Variants in CERS2 observed in about 807,000 individuals in gnomAD.
CERS2 encodes ceramide synthase 2.
CERS2 carries 20 observed loss-of-function variants against 56.6 expected under a neutral mutation model. That is an observed-to-expected ratio of 0.35 (90% CI 0.25 to 0.51). CERS2 has a LOEUF of 0.51. CERS2 is among the 20% of genes least tolerant of loss of function. The pLI, the probability that CERS2 is intolerant of heterozygous loss-of-function variation, is 0.96. For synonymous variants in CERS2, 187 were observed against 175.4 expected, an observed-to-expected ratio of 1.07 and a Z score of -0.52; for missense variants, 361 against 488.6, an observed-to-expected ratio of 0.74 and a Z score of 2.46.
intron 1 of CERS2, among the ~76,000 whole-genome samples, chr1:150,972,897 T>C (rs1202996966): frequency 6.6e-6 from 1 of 152,124 alleles, no homozygotes; most frequent in Non-Finnish European, 1.5e-5. Flanking sequence ...TGGGAGTTTG[T>C]AGATCCAAAC....
chr1:150,969,228 A>G, intron 1 of CERS2, 137 bp from the exon 2 acceptor site: 1 of 697,196 alleles, frequency 1.4e-6, no homozygotes, highest in South Asian at 1.9e-5. Flanking sequence ...CTGGCTATGT[A>G]GCCTTGGGCA....
intron 1 of CERS2, among the ~76,000 whole-genome samples, chr1:150,971,467 G>T (rs946958702): frequency 6.6e-6 from 1 of 151,476 alleles, no homozygotes; most frequent in East Asian, 2.0e-4. Flanking sequence ...CTGCTCTCTC[G>T]GATGAAATCA....
chr1:150,968,281 C>CA (rs1671081040), intron 3 of CERS2, 80 bp from the exon 4 acceptor site: 1 of 1,482,312 alleles, frequency 6.7e-7, no homozygotes, highest in Non-Finnish European at 9.4e-7. Flanking sequence ...GTAACAACCT[C>CA]AGTCAGCACC....
At position 150,966,544 on chromosome 1, in the gene CERS2, G is replaced by A; in HGVS notation, c.934C>T (p.Leu312=). 1 of 1,614,102 alleles carries A rather than the reference G, an allele frequency of 6.2e-7. No homozygotes were observed. Among genetic ancestry groups the A allele is most frequent in the Non-Finnish European group, 8.5e-7 (1 of 1,180,010 alleles). Residue 312 remains leucine, a synonymous_variant, in exon 10 of 11, where the codon CTA becomes TTA. Coordinates refer to ENST00000368954, the MANE Select transcript of CERS2 (RefSeq NM_022075.5). The part of the protein sequence containing the change: ...YYFFNSMMGV[L]QLLHIFWAYL... ...GCCCAGAAGATATGCAGCAGCTGTA[G>A]AACTCCCATCATGGAATTGAAGAAG...
intron 1 of CERS2, among the ~76,000 whole-genome samples, chr1:150,971,135 C>T (rs968888633): frequency 2.0e-5 from 3 of 152,228 alleles, no homozygotes; most frequent in Non-Finnish European, 4.4e-5. Context: ...ATGACCATGA[C>T]AGTCTTTTCC....
At chr1:150,970,780 A>G (rs1021715068) in intron 1 of CERS2, among the ~76,000 whole-genome samples, 1 of 152,156 alleles carries the variant, frequency 6.6e-6, no homozygotes, top group Non-Finnish European at 1.5e-5. Flanking sequence ...GGCCTCCCAA[A>G]GTGCTGGGAT....
At chr1:150,966,686 T>C (rs1428010296) in intron 9 of CERS2, 57 bp from the exon 10 acceptor site, 1 of 1,605,166 alleles carries the variant, frequency 6.2e-7, no homozygotes, top group Non-Finnish European at 8.5e-7. Flanking sequence ...ACCGGGGAGA[T>C]ACAGGAGGGG....
In CERS2 at chr1:150,966,140, GTAAT is replaced by G. The variant is rs1671006328; in HGVS notation, c.*4_*7del. On this transcript the variant is annotated 3_prime_UTR_variant, in exon 11 of 11. Coordinates refer to ENST00000368954, the MANE Select transcript of CERS2 (RefSeq NM_022075.5). ...TGCATTAATCTGGGAGGCAGCTGGAGTAATGGTTCAGTCATTCTTACGATGGTTG... is the reference window on the plus strand; with the variant it reads ...TGCATTAATCTGGGAGGCAGCTGGAGGGTTCAGTCATTCTTACGATGGTTG... 6.2e-7 allele frequency: 1 copy of G among 1,611,808 alleles called. No individual in the cohort carries two copies. Among genetic ancestry groups the G allele is most frequent in the South Asian group, 1.1e-5 (1 of 90,782 alleles).
intron 1 of CERS2, 171 bp from the exon 2 acceptor site, chr1:150,969,262 C>A: frequency 1.6e-6 from 1 of 613,292 alleles, no homozygotes. Flanking sequence ...ATCTGTAATA[C>A]GGTGGCTTTC....
intron 7 of CERS2, 45 bp downstream of exon 7, chr1:150,967,347 C>T: frequency 6.9e-7 from 1 of 1,446,780 alleles, no homozygotes; most frequent in Non-Finnish European, 9.7e-7. Flanking sequence ...CATCCCAGGG[C>T]CTCATTTTGG....
intron 1 of CERS2, among the ~76,000 whole-genome samples, chr1:150,970,687 A>T (rs1307299684): frequency 6.7e-6 from 1 of 149,382 alleles, no homozygotes; most frequent in Non-Finnish European, 1.5e-5. Flanking sequence ...TAATTTTTGA[A>T]TTTTTTTTTT....
chr1:150,974,356 T>TGCCGCGGACACCGCGGCGCC (rs1286878345), intron 1 of CERS2: 1 of 150,636 alleles, frequency 6.6e-6, no homozygotes, highest in East Asian at 2.0e-4. Flanking sequence ...AGGGCGGCGC[T>TGCCGCGGACACCGCGGCGCC]GCCGCGGACA....
At chr1:150,966,926 C>T in intron 8 of CERS2, 64 bp from the exon 9 acceptor site, 1 of 1,441,296 alleles carries the variant, frequency 6.9e-7, no homozygotes. Flanking sequence ...TTCATATGTA[C>T]ACTCCAGTTA....
At chr1:150,971,972 T>C (rs1319967699) in intron 1 of CERS2, 1 of 465,802 alleles carries the variant, frequency 2.1e-6, no homozygotes, top group South Asian at 1.6e-5. Flanking sequence ...CTGGCAGGGA[T>C]GTTTCTCTAG....
chr1:150,967,155 G>C lies in CERS2; in HGVS notation c.660C>G (p.Ile220Met). The C allele has an allele frequency of 2.5e-6, 4 of 1,613,674 alleles. No individual in the cohort carries two copies. The highest frequency in any genetic ancestry group is 3.4e-6 in the Non-Finnish European group (4 of 1,179,550). Residue 220 changes from isoleucine to methionine, a missense_variant, in exon 8 of 11, where the codon ATC becomes ATG. This residue lies in a region of CERS2 where 236 missense variants were observed against 309.2 expected (regional missense o/e 0.76). Coordinates refer to ENST00000368954, the MANE Select transcript of CERS2 (RefSeq NM_022075.5). ...IIHHVATIILISFSWFANYIR... is the reference protein window; with the variant it reads ...IIHHVATIILMSFSWFANYIR... Reference sequence around the variant, plus strand: ...TGTAATTGGCAAACCAGGAAAAGCTGATGAGAATGATGGTGGCCACATGGT... The same window carrying C: ...TGTAATTGGCAAACCAGGAAAAGCTCATGAGAATGATGGTGGCCACATGGT...
intron 2 of CERS2, among the ~76,000 whole-genome samples, 198 bp downstream of exon 2, chr1:150,968,718 CAT>C (rs1671098863): frequency 6.6e-6 from 1 of 152,120 alleles, no homozygotes; most frequent in East Asian, 1.9e-4. Flanking sequence ...AACAAATAAC[CAT>C]TGATGGAAAG....
chr1:150,968,091 T>A lies in CERS2; in HGVS notation c.402A>T (p.Arg134=). 7.5e-6 allele frequency: 12 copies of A among 1,609,998 alleles called. No individual in the cohort carries two copies. Among genetic ancestry groups the A allele is most frequent in the Non-Finnish European group, 1.0e-5 (12 of 1,179,928 alleles). The part of the protein sequence containing the change: ...QDRPSLLKKF[R]EASWRFTFYL... Reference sequence around the variant, plus strand: ...GCCCCAGCCTCCCCCACCTGGCTTCTCGGAACTTCTTGAGGAGACTGGGCC... The same window carrying A: ...GCCCCAGCCTCCCCCACCTGGCTTCACGGAACTTCTTGAGGAGACTGGGCC... Residue 134 remains arginine (R), a synonymous_variant, in exon 4 of 11, where the codon CGA becomes CGT. Transcript: ENST00000368954.
chr1:150,972,662 G>A (rs587699365), intron 1 of CERS2, among the ~76,000 whole-genome samples: 106 of 152,348 alleles, frequency 7.0e-4, no homozygotes, highest in African/African-American at 2.4e-3. Context: ...CACATGAAGA[G>A]ACATGGTATC....
Position 150,966,860 on chromosome 1 carries a change from T to C in CERS2, c.744A>G (p.Ser248=), listed in dbSNP as rs1455247427. The C allele has an allele frequency of 6.2e-7, 1 of 1,611,122 alleles. No individual in the cohort carries two copies. Among genetic ancestry groups the C allele is most frequent in the Admixed American group, 1.7e-5 (1 of 60,008 alleles). Residue 248 remains serine (S), a splice_region_variant and synonymous_variant, in exon 9 of 11, where the codon TCA becomes TCG. Coordinates refer to ENST00000368954, the MANE Select transcript of CERS2 (RefSeq NM_022075.5). ...LHDSSDYLLE[S]AKMFNYAGWK... ...ATCCCGCGTAGTTAAACATCTTGGC[T>C]GACTGCATAGAGAGCCCCCATCCAT...
Sources: allele counts gnomAD v4.1 joint callset (sites outside exome capture counted in the v4.1 genomes callset), GRCh38; gene constraint gnomAD v4.1.1; regional missense constraint gnomAD v4.1.1; transcripts MANE v1.5; gene names NCBI Gene and HGNC (gene_info 2026-07-23, HGNC 2026-07-21).